Variants in MYCBP2 observed in about 807,000 individuals in gnomAD.
The protein encoded by MYCBP2 is MYC binding protein 2.
Under a neutral mutation model 525.3 loss-of-function variants are expected in MYCBP2, and 120 were observed. The ratio of observed to expected loss-of-function variants is 0.23; its 90% CI spans 0.20 to 0.27. The LOEUF (loss-of-function observed/expected upper bound fraction) is 0.27. Ranked by LOEUF, MYCBP2 falls within the 10% of genes least tolerant of loss-of-function variation. MYCBP2 has a pLI of 1.00. For missense variants in MYCBP2, 4,149 were observed against 5,657.1 expected (o/e 0.73, Z 8.55); for synonymous variants, 1,894 against 1,955.8 (o/e 0.97, Z 0.83).
intron 3 of MYCBP2, among the ~76,000 whole-genome samples, chr13:77,282,428 GA>G (rs1481620476): frequency 6.9e-6 from 1 of 145,778 alleles, no homozygotes; most frequent in African/African-American, 2.5e-5. Context: ...AAAAAAAAAA[GA>G]AAGAAAGTAT....
chr13:77,099,131 T>C, intron 55 of MYCBP2, 118 bp from the exon 56 acceptor site: 3 of 1,265,850 alleles, frequency 2.4e-6, no homozygotes, highest in Middle Eastern at 1.9e-4. Context: ...TTGTCATACA[T>C]ACTAAAATAC....
intron 1 of MYCBP2, among the ~76,000 whole-genome samples, chr13:77,301,659 G>C (rs1021918325): frequency 6.6e-6 from 1 of 152,028 alleles, no homozygotes; most frequent in African/African-American, 2.4e-5. Flanking sequence ...AGTCTAGTTC[G>C]GGGACACTAA....
chr13:77,212,943 G>A (rs1239792610), intron 21 of MYCBP2, among the ~76,000 whole-genome samples: 1 of 152,100 alleles, frequency 6.6e-6, no homozygotes, highest in Non-Finnish European at 1.5e-5. Flanking sequence ...CTGGAACAAG[G>A]GAGCCTGGAG....
chr13:77,198,004 C>G (rs539254439), intron 26 of MYCBP2, among the ~76,000 whole-genome samples: 1 of 152,202 alleles, frequency 6.6e-6, no homozygotes, highest in East Asian at 1.9e-4. Context: ...CTACGTTGTT[C>G]ACTATTCCGA....
At chr13:77,065,853 G>T in intron 72 of MYCBP2, 139 bp downstream of exon 72, 1 of 511,468 alleles carries the variant, frequency 2.0e-6, no homozygotes, top group Non-Finnish European at 3.4e-6. Flanking sequence ...AAGACAAACA[G>T]CATGATAGTT....
chr13:77,125,313 A>T (rs1566622250), intron 54 of MYCBP2, 23 bp downstream of exon 54: 3 of 1,613,116 alleles, frequency 1.9e-6, no homozygotes, highest in Admixed American at 1.7e-5. Flanking sequence ...ATTGGAATAA[A>T]TCACAAATTT....
intron 49 of MYCBP2, among the ~76,000 whole-genome samples, chr13:77,143,404 C>T (rs1304110006): frequency 3.9e-5 from 6 of 152,132 alleles, no homozygotes; most frequent in Non-Finnish European, 8.8e-5. Context: ...TAAACACTTC[C>T]TCTACTGTCC....
At chr13:77,127,838 CA>C (rs1425129264) in intron 52 of MYCBP2, among the ~76,000 whole-genome samples, 2 of 151,756 alleles carry the variant, frequency 1.3e-5, no homozygotes, top group Non-Finnish European at 3.0e-5. Flanking sequence ...CATGACTGGT[CA>C]GGGAAAATGT....
chr13:77,107,717 G>A (rs965009902), intron 55 of MYCBP2, among the ~76,000 whole-genome samples: 3 of 151,866 alleles, frequency 2.0e-5, no homozygotes, highest in Non-Finnish European at 2.9e-5. Context: ...CAGTGTGGGC[G>A]ACAGAGTGAA....
chr13:77,264,867 G>GCACACACA, intron 8 of MYCBP2, among the ~76,000 whole-genome samples: 1 of 148,794 alleles, frequency 6.7e-6, no homozygotes, highest in Middle Eastern at 3.4e-3. Flanking sequence ...CAAGTTAAAA[G>GCACACACA]CACACACACA....
chr13:77,215,520 T>C (rs1444692408), intron 21 of MYCBP2, among the ~76,000 whole-genome samples: 2 of 152,144 alleles, frequency 1.3e-5, no homozygotes, highest in Non-Finnish European at 2.9e-5. Flanking sequence ...AGTACATAAA[T>C]ATAGAACAGG....
At chr13:77,316,491 G>T (rs886858392) in intron 1 of MYCBP2, among the ~76,000 whole-genome samples, 2 of 152,138 alleles carry the variant, frequency 1.3e-5, no homozygotes, top group African/African-American at 4.8e-5. Flanking sequence ...CATCAGTGCT[G>T]GGCAGGGGCT....
chr13:77,099,681 C>T (rs936860943), intron 55 of MYCBP2: 1 of 152,274 alleles, frequency 6.6e-6, no homozygotes, highest in Non-Finnish European at 1.5e-5. Context: ...CTGCTTAGAA[C>T]TCAGAGCCTG....
intron 62 of MYCBP2, 119 bp downstream of exon 62, chr13:77,087,365 T>G: frequency 1.1e-6 from 1 of 898,766 alleles, no homozygotes; most frequent in Non-Finnish European, 1.7e-6. Flanking sequence ...AGCACTAAAA[T>G]ATTCTTTTTG....
chr13:77,257,872 CT>C, intron 13 of MYCBP2, 43 bp from the exon 14 acceptor site: 2 of 1,521,424 alleles, frequency 1.3e-6, no homozygotes, highest in Non-Finnish European at 1.8e-6. Flanking sequence ...CAAAAAGGCC[CT>C]TCTGAGCCTA....
chr13:77,213,840 G>A (rs539158118), intron 21 of MYCBP2, among the ~76,000 whole-genome samples: 2 of 152,304 alleles, frequency 1.3e-5, no homozygotes, highest in East Asian at 3.9e-4. Context: ...CAAACCTTCA[G>A]CAGTGGAAGG....
intron 1 of MYCBP2, among the ~76,000 whole-genome samples, chr13:77,299,327 G>A (rs1355001504): frequency 3.3e-5 from 5 of 152,086 alleles, no homozygotes; most frequent in African/African-American, 1.2e-4. Context: ...TATGCATGAT[G>A]GCATTTAATT....
chr13:77,186,521 TTA>T (rs1345587875), intron 30 of MYCBP2, among the ~76,000 whole-genome samples: 6 of 152,152 alleles, frequency 3.9e-5, no homozygotes, highest in African/African-American at 1.4e-4. Flanking sequence ...ATAACTTATT[TTA>T]TGTCTATATA....
At chr13:77,112,248 C>A (rs1217583972) in intron 55 of MYCBP2, among the ~76,000 whole-genome samples, 1 of 149,358 alleles carries the variant, frequency 6.7e-6, no homozygotes, top group African/African-American at 2.4e-5. Context: ...ACTTAGCCAA[C>A]CTTTCCACTT....
Sources: gnomAD v4.1 joint callset for allele counts (sites outside exome capture counted in the v4.1 genomes callset) on GRCh38, gnomAD v4.1.1 for gene constraint, MANE v1.5 for transcripts, NCBI Gene and HGNC (gene_info 2026-07-23, HGNC 2026-07-21) for gene names.